Variants in PRKACA observed in about 807,000 individuals in gnomAD.
PRKACA encodes protein kinase cAMP-activated catalytic subunit alpha, also known as cAMP-dependent protein kinase catalytic subunit alpha.
PRKACA carries 9 observed loss-of-function variants against 45.8 expected under a neutral mutation model. That is an observed-to-expected ratio of 0.20 (90% CI 0.12 to 0.34). The LOEUF (loss-of-function observed/expected upper bound fraction) is 0.34, where lower values mean the gene tolerates loss of function less well. Ranked by LOEUF, PRKACA falls within the 10% of genes least tolerant of loss-of-function variation. The pLI is 1.00. For synonymous variants in PRKACA, 160 were observed against 178.6 expected (o/e 0.90, Z 0.83); for missense variants, 238 against 458.6 (o/e 0.52, Z 4.39).
chr19:14,117,370 G>A, intron 1 of PRKACA, 132 bp downstream of exon 1: 1 of 1,063,842 alleles, frequency 9.4e-7, no homozygotes, highest in South Asian at 4.3e-5. Context: ...CCTTGGACAG[G>A]CCGGGGCAAG....
In PRKACA at chr19:14,092,409, G is replaced by A. The variant is rs1977104347; in HGVS notation, c.*703C>T. On this transcript the variant is annotated 3_prime_UTR_variant, in exon 10 of 10. Coordinates refer to ENST00000308677, the MANE Select transcript of PRKACA (RefSeq NM_002730.4). The stretch of plus-strand genomic sequence containing the variant: ...GGATTCCCCGGGGAGGGGCCCAGGG[G>A]AGATTAGCAGCGGGGAGGTTCAAAC... 1 of 384,872 alleles carries A rather than the reference G, an allele frequency of 2.6e-6. No individual in the cohort carries two copies. The highest frequency in any genetic ancestry group is 4.6e-6 in the Non-Finnish European group (1 of 217,672). The allele number at this position is 384,872 out of a possible 1,614,324, so 23.8% of individuals were successfully genotyped here.
At chr19:14,114,257 G>C in intron 1 of PRKACA, 1 of 1,491,984 alleles carries the variant, frequency 6.7e-7, no homozygotes, top group East Asian at 2.4e-5. Flanking sequence ...CCTGCCTGCA[G>C]GGGGAGCTAG....
chr19:14,099,195 G>A (rs1476308635), intron 5 of PRKACA, among the ~76,000 whole-genome samples: 1 of 152,168 alleles, frequency 6.6e-6, no homozygotes, highest in African/African-American at 2.4e-5. Flanking sequence ...GGGAGGCTGA[G>A]ACAAGAGAAT....
intron 1 of PRKACA, among the ~76,000 whole-genome samples, chr19:14,111,507 G>A (rs186497430): frequency 6.6e-6 from 1 of 152,342 alleles, no homozygotes; most frequent in African/African-American, 2.4e-5. Context: ...ATGGCCAGGA[G>A]TCCTAGATGG....
chr19:14,109,937 C>CA lies in PRKACA; in HGVS notation c.47-2529dup, dbSNP rs869056089. On this transcript the variant is annotated intron_variant, in intron 1 of 9. Transcript: ENST00000308677. The stretch of plus-strand genomic sequence containing the variant: ...TAGGCGACAGAGTGAGACTCTGTCT[C>CA]AAAAAAAAAAAAAAAAAAAAAAAAA... Among the ~76,000 whole-genome samples, 36 of 17,546 alleles carry CA rather than the reference C, an allele frequency of 2.1e-3. 4 individuals carry two copies. The highest frequency in any genetic ancestry group is 3.3e-3 in the Admixed American group (4 of 1,224). 11.5% of individuals were successfully genotyped at this position (17,546 alleles called of 152,430 possible). A position where few individuals can be genotyped will look rare whatever the true frequency, so the allele number is the denominator to read the frequency against.
At chr19:14,098,833 A>G (rs1195735285) in intron 5 of PRKACA, among the ~76,000 whole-genome samples, 1 of 151,108 alleles carries the variant, frequency 6.6e-6, no homozygotes, top group African/African-American at 2.5e-5. Flanking sequence ...AAAAAAAAAA[A>G]AGGGATTCAA....
Position 14,097,430 on chromosome 19 carries a change from C to T in PRKACA, c.696G>A (p.Met232Ile), listed in dbSNP as rs1325169585. Residue 232 changes from methionine (M) to isoleucine (I), a missense_variant, in exon 8 of 10, where the codon ATG becomes ATA. By Grantham distance (10) the Met-to-Ile change is conservative. Coordinates refer to ENST00000308677, the MANE Select transcript of PRKACA (RefSeq NM_002730.4). This position sits in a 1 kb window ranked among gnomAD's most constrained non-coding sequence, Gnocchi z 5.4. ...WWALGVLIYE[M>I]AAGYPPFFAD... The stretch of plus-strand genomic sequence containing the variant: ...CGAAGAAGGGCGGGTAGCCAGCGGC[C>T]ATTTCATAGATAAGAACCCCCAGGG... The T allele has an allele frequency of 6.2e-7, 1 of 1,614,070 alleles. No homozygotes were observed. The highest frequency in any genetic ancestry group is 2.2e-5 in the East Asian group (1 of 44,876).
At chr19:14,114,690 C>T (rs1047402842) in intron 1 of PRKACA, among the ~76,000 whole-genome samples, 2 of 152,160 alleles carry the variant, frequency 1.3e-5, no homozygotes, top group Non-Finnish European at 2.9e-5. Context: ...GCTCCCTCTC[C>T]ATTCTTCCAA....
chr19:14,096,580 C>T (rs1977265962), intron 8 of PRKACA: 1 of 153,972 alleles, frequency 6.5e-6, no homozygotes, highest in Non-Finnish European at 1.4e-5. Context: ...ACCAAAAGCT[C>T]CTGTGTAGGA....
In PRKACA at chr19:14,098,000, A is replaced by G; in HGVS notation, c.420-110T>C. On this transcript the variant is annotated intron_variant, in intron 5 of 9. Coordinates refer to ENST00000308677, the MANE Select transcript of PRKACA (RefSeq NM_002730.4). The surrounding 1 kb of genome is among the most constrained non-coding windows in gnomAD (Gnocchi z 5.4). ...GGAAGACACCTCCAGTCCAGCCGTC[A>G]GAAACGCAAGGCACCTGATTCTTAG... 2 of 1,396,218 alleles carry G rather than the reference A, an allele frequency of 1.4e-6. No individual in the cohort carries two copies. Among genetic ancestry groups the G allele is most frequent in the Non-Finnish European group, 9.8e-7 (1 of 1,016,684 alleles). The allele number at this position is 1,396,218 out of a possible 1,614,324, so 86.5% of individuals were successfully genotyped here.
rs376223642 is a variant in PRKACA, at chr19:14,115,018, A to G, written c.46+2484T>C. On this transcript the variant is annotated intron_variant, in intron 1 of 9. Transcript: ENST00000308677. ...CCTGCCCCTGCCCCACCCTTCTAAG[A>G]GGGCAAATTTTGTCTAACTCCATCC... 8.4e-6 allele frequency: 8 copies of G among 947,684 alleles called. No homozygotes were observed. In the African/African-American group the frequency reaches 1.4e-4, roughly 17 times the overall value. The allele number at this position is 947,684 out of a possible 1,614,324, so 58.7% of individuals were successfully genotyped here.
At chr19:14,098,917 C>T (rs1977354113) in intron 5 of PRKACA, among the ~76,000 whole-genome samples, 1 of 151,618 alleles carries the variant, frequency 6.6e-6, no homozygotes, top group Admixed American at 6.6e-5. Context: ...ATACAACTGT[C>T]AAAACTTGTA....
At chr19:14,111,234 C>T (rs1434179037) in intron 1 of PRKACA, among the ~76,000 whole-genome samples, 1 of 152,094 alleles carries the variant, frequency 6.6e-6, no homozygotes, top group African/African-American at 2.4e-5. Context: ...CCTGTCTCTA[C>T]TAAAAATACA....
At chr19:14,111,351 C>A (rs1466373746) in intron 1 of PRKACA, among the ~76,000 whole-genome samples, 6 of 151,578 alleles carry the variant, frequency 4.0e-5, no homozygotes, top group Admixed American at 3.9e-4. Context: ...GGGCTCAGAT[C>A]GCGCCATTGC....
intron 1 of PRKACA, chr19:14,107,633 G>A (rs888706655): frequency 6.0e-6 from 8 of 1,337,902 alleles, no homozygotes; most frequent in Middle Eastern, 2.8e-4. Context: ...GGTACAGAGA[G>A]TCTCAGGGGT....
chr19:14,110,599 C>T (rs1484572420), intron 1 of PRKACA, among the ~76,000 whole-genome samples: 1 of 151,938 alleles, frequency 6.6e-6, no homozygotes, highest in African/African-American at 2.4e-5. Context: ...TAAAAAAACC[C>T]CAAAAACAAA....
At chr19:14,099,895 G>A (rs1977391823) in intron 5 of PRKACA, among the ~76,000 whole-genome samples, 1 of 151,908 alleles carries the variant, frequency 6.6e-6, no homozygotes, top group Admixed American at 6.6e-5. Context: ...CAGGCTGGAA[G>A]TGCAGTGGCG....
Position 14,097,257 on chromosome 19 carries a change from T to G in PRKACA, c.765+104A>C, listed in dbSNP as rs1172690120. The G allele has an allele frequency of 3.2e-6, 5 of 1,570,540 alleles. No homozygotes were observed. The African/African-American group carries it at 6.8e-5, about 21-fold the overall frequency. Reference sequence around the variant, plus strand: ...CACCACCTGGCCTGACTTAAGGAACTTCTAGATTATTCTGACAACAAGCAG... The same window carrying G: ...CACCACCTGGCCTGACTTAAGGAACGTCTAGATTATTCTGACAACAAGCAG... On this transcript the variant is annotated intron_variant, in intron 8 of 9. Transcript: ENST00000308677. The surrounding 1 kb of genome is among the most constrained non-coding windows in gnomAD (Gnocchi z 5.4).
chr19:14,101,877 A>G (rs1181239452), intron 4 of PRKACA, among the ~76,000 whole-genome samples: 1 of 149,190 alleles, frequency 6.7e-6, no homozygotes, highest in East Asian at 2.0e-4. Flanking sequence ...AAAAAATAAA[A>G]ATTAGGCTTG....
Sources: allele counts gnomAD v4.1 joint callset (sites outside exome capture counted in the v4.1 genomes callset), GRCh38; gene constraint gnomAD v4.1.1; non-coding constraint Gnocchi (gnomAD v3.1); transcripts MANE v1.5; gene names NCBI Gene and HGNC (gene_info 2026-07-23, HGNC 2026-07-21).